The following LRP1 variants were observed in gnomAD, a reference collection of about 807,000 sequenced individuals.
The protein encoded by LRP1 is LDL receptor related protein 1, also known as prolow-density lipoprotein receptor-related protein 1.
Under a neutral mutation model 541.5 loss-of-function variants are expected in LRP1, and 51 were observed. The ratio of observed to expected loss-of-function variants is 0.09; its 90% CI spans 0.08 to 0.12. LRP1 has a LOEUF of 0.12. Among genes scored for constraint, LRP1 ranks in the 10% least tolerant of loss-of-function variants. LRP1 has a pLI of 1.00. For missense variants in LRP1, 3,878 were observed against 6,376.2 expected (o/e 0.61, Z 13.34); for synonymous variants, 2,219 against 2,470.8 (o/e 0.90, Z 3.02).
chr12:57,145,658 C>T (rs965305987), intron 6 of LRP1, among the ~76,000 whole-genome samples, 168 bp downstream of exon 6: 9 of 152,128 alleles, frequency 5.9e-5, no homozygotes, highest in Non-Finnish European at 1.3e-4. Context: ...GCAGAGCCAC[C>T]GGCACGCTCC....
intron 20 of LRP1, among the ~76,000 whole-genome samples, chr12:57,169,790 G>A (rs1434200205): frequency 1.3e-5 from 2 of 152,238 alleles, no homozygotes; most frequent in Non-Finnish European, 2.9e-5. Flanking sequence ...AGAGGAGAGA[G>A]GGCCTGGCTC....
rs1362466606 is a variant in LRP1, at chr12:57,193,270, C to T, written c.7650C>T (p.Cys2550=). Residue 2550 remains cysteine, a synonymous_variant, in exon 46 of 89, where the codon TGC becomes TGT. Coordinates refer to ENST00000243077, the MANE Select transcript of LRP1 (RefSeq NM_002332.3). ...TGACCTGCGACGGCGTCCCCCACTG[C>T]AAGGACAAGTCCGATGAGAAGCCAT... ...FSLTCDGVPH[C]KDKSDEKPSY... 2 of 1,613,798 alleles carry T rather than the reference C, an allele frequency of 1.2e-6. No homozygotes were observed. The highest frequency in any genetic ancestry group is 2.2e-5 in the South Asian group (2 of 91,088).
intron 2 of LRP1, among the ~76,000 whole-genome samples, chr12:57,139,915 G>T (rs982319901): frequency 6.6e-6 from 1 of 152,182 alleles, no homozygotes; most frequent in African/African-American, 2.4e-5. Context: ...ACCTACCGCT[G>T]CATGCTATAC....
At position 57,196,111 on chromosome 12, in the gene LRP1, A is replaced by G; in HGVS notation, c.8726A>G (p.Gln2909Arg). 2 of 1,606,248 alleles carry G rather than the reference A, an allele frequency of 1.2e-6. No homozygotes were observed. Among genetic ancestry groups the G allele is most frequent in the Middle Eastern group, 1.7e-4 (1 of 6,044 alleles). Reference sequence around the variant, plus strand: ...GAGCACAAGTGCAATGCCTCGTCACAGTTCCTGTGCAGCAGTGGGCGCTGT... The same window carrying G: ...GAGCACAAGTGCAATGCCTCGTCACGGTTCCTGTGCAGCAGTGGGCGCTGT... ...SQEHKCNASS[Q>R]FLCSSGRCVA... Residue 2909 changes from glutamine to arginine, a missense_variant, in exon 55 of 89, where the codon CAG becomes CGG. Around this residue, in one of 13 missense-constraint regions of LRP1, gnomAD observed 1,100 missense variants for 1,827.4 expected, o/e 0.60. Coordinates refer to ENST00000243077, the MANE Select transcript of LRP1 (RefSeq NM_002332.3).
Position 57,212,015 on chromosome 12 carries a change from A to G in LRP1, c.13347A>G (p.Gln4449=), listed in dbSNP as rs2036928928. ...TATTCTGGTATAAGCGGCGAGTCCAAGGGTGAGTCACAGGGATTCTGGAAC... is the reference window on the plus strand; with the variant it reads ...TATTCTGGTATAAGCGGCGAGTCCAGGGGTGAGTCACAGGGATTCTGGAAC... The part of the protein sequence containing the change: ...GVVFWYKRRV[Q]GAKGFQHQRM... The change falls in exon 87 of 89, where the codon CAA becomes CAG. Residue 4449 remains glutamine, a splice_region_variant and synonymous_variant. Transcript: ENST00000243077. The surrounding 1 kb of genome is among the most constrained non-coding windows in gnomAD (Gnocchi z 5.0). The G allele has an allele frequency of 6.2e-7, 1 of 1,613,960 alleles. No homozygotes were observed. The highest frequency in any genetic ancestry group is 1.1e-5 in the South Asian group (1 of 91,088).
chr12:57,184,822 G>A lies in LRP1; in HGVS notation c.6187-17G>A, dbSNP rs1236211423. 1.2e-6 allele frequency: 2 copies of A among 1,603,432 alleles called. No individual in the cohort carries two copies. The highest frequency in any genetic ancestry group is 1.7e-6 in the Non-Finnish European group (2 of 1,171,814). On this transcript the variant is annotated splice_polypyrimidine_tract_variant and intron_variant, in intron 38 of 88. Transcript: ENST00000243077. The surrounding 1 kb of genome is among the most constrained non-coding windows in gnomAD (Gnocchi z 7.8). ...GAGCTCAGCCCTGGAGGTGAGGTGG[G>A]TGCCTCTGGCCTGTAGGATGGGAAG...
In LRP1 at chr12:57,211,896, G is replaced by A; in HGVS notation, c.13259-31G>A. ...TGTGCCTCCTGCTTCCCTGAGCCTT[G>A]GTGACTCAGTGTCCCACCTCTTCCC... On this transcript the variant is annotated intron_variant, in intron 86 of 88. Coordinates refer to ENST00000243077, the MANE Select transcript of LRP1 (RefSeq NM_002332.3). This position sits in a 1 kb window ranked among gnomAD's most constrained non-coding sequence, Gnocchi z 4.3. The A allele has an allele frequency of 6.2e-7, 1 of 1,613,344 alleles. No individual in the cohort carries two copies. The highest frequency in any genetic ancestry group is 1.1e-5 in the South Asian group (1 of 91,048).
In LRP1 at chr12:57,145,353, T is replaced by C; in HGVS notation, c.704T>C (p.Phe235Ser). 1 of 1,614,156 alleles carries C rather than the reference T, an allele frequency of 6.2e-7. No individual in the cohort carries two copies. Among genetic ancestry groups the C allele is most frequent in the Non-Finnish European group, 8.5e-7 (1 of 1,180,032 alleles). ...TSTRQTTAMD[F>S]SYANETVCWV... ...ACGCGGCAGACCACAGCCATGGACT[T>C]CAGCTATGCCAACGAGACCGTATGC... is the stretch of plus-strand genomic sequence containing the variant. The change falls in exon 6 of 89, where the codon TTC becomes TCC. Residue 235 changes from phenylalanine (F) to serine (S), a missense_variant. Phe to Ser is a radical substitution (Grantham distance 155). Transcript: ENST00000243077.
chr12:57,174,033 G>C (rs1409592828), intron 22 of LRP1, 53 bp downstream of exon 22: 1 of 1,568,658 alleles, frequency 6.4e-7, no homozygotes, highest in Non-Finnish European at 8.7e-7. Context: ...TAGGAGTCTG[G>C]GCCAAGGACA....
At chr12:57,150,372 T>C (rs2035504516) in intron 6 of LRP1, among the ~76,000 whole-genome samples, 2 of 151,994 alleles carry the variant, frequency 1.3e-5, no homozygotes, top group African/African-American at 4.8e-5. Flanking sequence ...TTTGTGTTTT[T>C]AGTAGAGACA....
chr12:57,144,715 C>T, intron 4 of LRP1: 1 of 518,484 alleles, frequency 1.9e-6, no homozygotes, highest in African/African-American at 1.9e-5. Flanking sequence ...GCACCCCTGG[C>T]ACCTGACCCA....
rs1008603639 is a variant in LRP1, at chr12:57,200,590, T to C, written c.10108+55T>C. The C allele has an allele frequency of 3.8e-6, 6 of 1,572,362 alleles. No individual in the cohort carries two copies. In the Admixed American group the frequency reaches 1.0e-4, roughly 26 times the overall value. On this transcript the variant is annotated intron_variant, in intron 63 of 88. Coordinates refer to ENST00000243077, the MANE Select transcript of LRP1 (RefSeq NM_002332.3). ...CCCCCAGCTGTGTCGGAGGCCTGACTCCTGAGGCTTTGAATGGCCACTGGA... is the reference window on the plus strand; with the variant it reads ...CCCCCAGCTGTGTCGGAGGCCTGACCCCTGAGGCTTTGAATGGCCACTGGA...
intron 44 of LRP1, 128 bp from the exon 45 acceptor site, chr12:57,192,717 C>A: frequency 7.6e-7 from 1 of 1,320,936 alleles, no homozygotes; most frequent in Non-Finnish European, 1.1e-6. Context: ...GGCTGCAAGC[C>A]GCTGTGCCTG....
chr12:57,196,328 G>A (rs374229414), intron 55 of LRP1, 51 bp downstream of exon 55: 45 of 1,451,028 alleles, frequency 3.1e-5, no homozygotes, highest in Non-Finnish European at 3.5e-5. Flanking sequence ...TGCCAGGAAC[G>A]CCTTTCTCCA....
chr12:57,185,196 C>T lies in LRP1; in HGVS notation c.6454C>T (p.Arg2152Trp), dbSNP rs764383027. ...AGACATCAAAGTCTTCAACCGGGACCGGCAGAAAGGTGAGGCTGGGGCTCT... is the reference window on the plus strand; with the variant it reads ...AGACATCAAAGTCTTCAACCGGGACTGGCAGAAAGGTGAGGCTGGGGCTCT... The part of the protein sequence containing the change: ...LKDIKVFNRD[R>W]QKGTNVCAVA... The change falls in exon 40 of 89, where the codon CGG becomes TGG. Residue 2152 changes from arginine to tryptophan, a missense_variant. By Grantham distance (101) the Arg-to-Trp change is moderately radical. Around this residue, in one of 13 missense-constraint regions of LRP1, gnomAD observed 1,100 missense variants for 1,827.4 expected, o/e 0.60. Coordinates refer to ENST00000243077, the MANE Select transcript of LRP1 (RefSeq NM_002332.3). The surrounding 1 kb of genome is among the most constrained non-coding windows in gnomAD (Gnocchi z 4.9). 4 of 1,613,932 alleles carry T rather than the reference C, an allele frequency of 2.5e-6. No homozygotes were observed. The highest frequency in any genetic ancestry group is 1.7e-5 in the Admixed American group (1 of 59,992).
chr12:57,133,076 A>T (rs2035072226), intron 1 of LRP1, among the ~76,000 whole-genome samples: 1 of 152,158 alleles, frequency 6.6e-6, no homozygotes, highest in South Asian at 2.1e-4. Context: ...GGTATTTCAG[A>T]AGGAAGGAGG....
chr12:57,154,101 C>T lies in LRP1; in HGVS notation c.842-107C>T, dbSNP rs1038091981. 1.1e-5 allele frequency: 11 copies of T among 1,004,422 alleles called. No homozygotes were observed. Among genetic ancestry groups the T allele is most frequent in the African/African-American group, 9.6e-5 (6 of 62,678 alleles). 62.2% of individuals were successfully genotyped at this position (1,004,422 alleles called of 1,614,324 possible). On this transcript the variant is annotated intron_variant, in intron 6 of 88. Coordinates refer to ENST00000243077, the MANE Select transcript of LRP1 (RefSeq NM_002332.3). This position sits in a 1 kb window ranked among gnomAD's most constrained non-coding sequence, Gnocchi z 4.6. ...AGCATGGGGGTGTTGGGTGGGAGGGCGTCCAGAGAAGGTGGGCTTCCAGGT... is the reference window on the plus strand; with the variant it reads ...AGCATGGGGGTGTTGGGTGGGAGGGTGTCCAGAGAAGGTGGGCTTCCAGGT...
At chr12:57,186,731 G>A (rs1288850137) in intron 41 of LRP1, among the ~76,000 whole-genome samples, 1 of 152,220 alleles carries the variant, frequency 6.6e-6, no homozygotes, top group Non-Finnish European at 1.5e-5. Flanking sequence ...ACCTCCGGCT[G>A]TCTGCAGACC....
chr12:57,184,522 G>A lies in LRP1; in HGVS notation c.6186+70G>A. On this transcript the variant is annotated intron_variant, in intron 38 of 88. Transcript: ENST00000243077. This position sits in a 1 kb window ranked among gnomAD's most constrained non-coding sequence, Gnocchi z 7.8. The stretch of plus-strand genomic sequence containing the variant: ...CCCAGGCTCCTGTTCCCTGTGATGA[G>A]CCCATTCTGGGAGGACTTGGAGCCC... 1 of 1,594,046 alleles carries A rather than the reference G, an allele frequency of 6.3e-7. No homozygotes were observed. The highest frequency in any genetic ancestry group is 8.5e-7 in the Non-Finnish European group (1 of 1,169,844).
Sources: gnomAD v4.1 joint callset for allele counts (sites outside exome capture counted in the v4.1 genomes callset) on GRCh38, gnomAD v4.1.1 for gene constraint, gnomAD v4.1.1 regional missense constraint, Gnocchi (gnomAD v3.1) non-coding constraint, MANE v1.5 for transcripts, NCBI Gene and HGNC (gene_info 2026-07-23, HGNC 2026-07-21) for gene names.